NRXN3: variants seen among roughly 807,000 people sequenced by gnomAD.
The protein encoded by NRXN3 is neurexin 3, also known as neurexin III.
A neutral mutation model predicts 137.6 loss-of-function variants in NRXN3; 32 were observed. The observed-to-expected ratio is 0.23, with a 90% confidence interval of 0.18 to 0.31. The LOEUF (loss-of-function observed/expected upper bound fraction) is 0.31. NRXN3 is among the 10% of genes least tolerant of loss of function. The probability of loss-of-function intolerance (pLI) is 1.00; values close to 1 mark genes in which losing one functional copy is unlikely to be tolerated. For missense variants in NRXN3, 1,574 were observed against 2,062.5 expected (o/e 0.76, Z 4.59); for synonymous variants, 798 against 784.5 (o/e 1.02, Z -0.29).
intron 10 of NRXN3, among the ~76,000 whole-genome samples, chr14:78,844,197 T>A (rs948310900): frequency 6.6e-6 from 1 of 152,106 alleles, no homozygotes; most frequent in Non-Finnish European, 1.5e-5. Context: ...GTGTTTGCTG[T>A]GGGTCTCTGC....
chr14:79,096,087 T>C (rs944764064), intron 15 of NRXN3, among the ~76,000 whole-genome samples: 1 of 151,964 alleles, frequency 6.6e-6, no homozygotes, highest in African/African-American at 2.4e-5. Context: ...CTCTCTTTTT[T>C]GATTTTTTAA....
chr14:78,861,556 A>C (rs1343887632), intron 10 of NRXN3, among the ~76,000 whole-genome samples: 3 of 152,128 alleles, frequency 2.0e-5, no homozygotes, highest in Admixed American at 6.6e-5. Flanking sequence ...TAATTACTTA[A>C]CTATCAGTGT....
rs1028531708 is a variant in NRXN3 at position 78,458,538 on chromosome 14, A to G, written c.757+160678A>G. Among the ~76,000 whole-genome samples the G allele has an allele frequency of 7.2e-5, 11 of 152,246 alleles. 1 individual carries two copies. The highest frequency in any genetic ancestry group is 3.9e-4 in the East Asian group (2 of 5,176). Reference sequence around the variant, plus strand: ...TTCTTCACGTTTCCTCCTGTGTTCCATCTTTTCTACTTTTGTGAATCTGTG... The same window carrying G: ...TTCTTCACGTTTCCTCCTGTGTTCCGTCTTTTCTACTTTTGTGAATCTGTG... On this transcript the variant is annotated intron_variant, in intron 4 of 20. Coordinates refer to ENST00000335750, the MANE Select transcript of NRXN3 (RefSeq NM_001330195.2).
chr14:79,705,451 A>G (rs148319813), intron 19 of NRXN3, among the ~76,000 whole-genome samples: 65 of 152,216 alleles, frequency 4.3e-4, no homozygotes, highest in East Asian at 3.9e-3. Context: ...GCAAGCTTAG[A>G]TTTTCATCTT....
intron 1 of NRXN3, among the ~76,000 whole-genome samples, chr14:78,184,416 G>T (rs2060060516): frequency 6.6e-6 from 1 of 152,174 alleles, no homozygotes; most frequent in African/African-American, 2.4e-5. Context: ...GCAAATTTTG[G>T]CATCTCAAGT....
Position 79,647,420 on chromosome 14 carries a change from T to C in NRXN3, c.3445-16358T>C, listed in dbSNP as rs981734741. 2.9e-5 allele frequency among the ~76,000 whole-genome samples: 4 copies of C among 135,964 alleles called. 1 individual carries two copies. The highest frequency in any genetic ancestry group is 6.8e-5 in the Non-Finnish European group (4 of 58,460). The allele number at this position is 135,964 out of a possible 152,430, so 89.2% of individuals were successfully genotyped here. The stretch of plus-strand genomic sequence containing the variant: ...GGAACGGTCTGCTGTCATGCAACTT[T>C]CAAATAATGCATTTTATTATCATTA... On this transcript the variant is annotated intron_variant, in intron 16 of 20. Transcript: ENST00000335750.
chr14:79,438,346 C>T (rs1370688281), intron 15 of NRXN3, among the ~76,000 whole-genome samples: 1 of 152,100 alleles, frequency 6.6e-6, no homozygotes, highest in Non-Finnish European at 1.5e-5. Context: ...TGGATTTAGA[C>T]GAGACAAACC....
At chr14:79,806,959 T>TATATAC (rs2099209409) in intron 20 of NRXN3, among the ~76,000 whole-genome samples, 2 of 65,372 alleles carry the variant, frequency 3.1e-5, no homozygotes, top group Non-Finnish European at 5.6e-5. Context: ...TATATATATA[T>TATATAC]ATATTTTTTT....
At chr14:78,384,026 C>G (rs1347046038) in intron 4 of NRXN3, among the ~76,000 whole-genome samples, 1 of 152,098 alleles carries the variant, frequency 6.6e-6, no homozygotes, top group Non-Finnish European at 1.5e-5. Context: ...GTAATGGGTT[C>G]TCATATACAG....
At chr14:79,383,832 A>G (rs1043828077) in intron 15 of NRXN3, among the ~76,000 whole-genome samples, 3 of 152,192 alleles carry the variant, frequency 2.0e-5, no homozygotes, top group East Asian at 1.9e-4. Context: ...GCTGCCTCTT[A>G]GTATTCATAT....
intron 16 of NRXN3, among the ~76,000 whole-genome samples, chr14:79,523,583 C>T (rs575493487): frequency 1.8e-4 from 27 of 152,270 alleles, no homozygotes; most frequent in African/African-American, 5.5e-4. Flanking sequence ...GCTGATTCTG[C>T]ACATGCAAAG....
chr14:78,831,546 A>AAC (rs2098982207), intron 10 of NRXN3, among the ~76,000 whole-genome samples: 1 of 150,744 alleles, frequency 6.6e-6, no homozygotes, highest in African/African-American at 2.4e-5. Flanking sequence ...AAAAAAAAAA[A>AAC]AAAAAAAAAA....
chr14:79,730,516 G>C (rs1469399113), intron 19 of NRXN3, among the ~76,000 whole-genome samples: 1 of 152,200 alleles, frequency 6.6e-6, no homozygotes, highest in Non-Finnish European at 1.5e-5. Flanking sequence ...AGACACATTA[G>C]TGAATCAAGT....
intron 16 of NRXN3, among the ~76,000 whole-genome samples, chr14:79,558,125 T>C (rs1329053958): frequency 6.6e-6 from 1 of 152,154 alleles, no homozygotes; most frequent in Non-Finnish European, 1.5e-5. Flanking sequence ...TCTAGTTACC[T>C]TGTTCTTTCC....
intron 8 of NRXN3, among the ~76,000 whole-genome samples, chr14:78,801,963 A>C (rs997612051): frequency 2.0e-5 from 3 of 152,176 alleles, no homozygotes; most frequent in African/African-American, 7.2e-5. Flanking sequence ...GTCTCCCTTT[A>C]GAACAGGGAC....
chr14:78,464,737 A>C (rs921875100), intron 4 of NRXN3, among the ~76,000 whole-genome samples: 2 of 152,220 alleles, frequency 1.3e-5, no homozygotes, highest in African/African-American at 4.8e-5. Context: ...AAAATGCTTC[A>C]ATTCTTGGCT....
chr14:78,828,156 A>G (rs927184805), intron 10 of NRXN3, among the ~76,000 whole-genome samples: 2 of 152,166 alleles, frequency 1.3e-5, no homozygotes, highest in Admixed American at 6.5e-5. Context: ...CTTAGTTTAT[A>G]GTTCAATATT....
chr14:78,812,155 G>T (rs1386785132), intron 10 of NRXN3, among the ~76,000 whole-genome samples: 1 of 152,080 alleles, frequency 6.6e-6, no homozygotes, highest in Admixed American at 6.5e-5. Flanking sequence ...TCATCCCCAA[G>T]ATTTCTTTTC....
intron 4 of NRXN3, among the ~76,000 whole-genome samples, chr14:78,328,076 T>TA (rs1207880682): frequency 2.6e-5 from 4 of 152,104 alleles, no homozygotes; most frequent in African/African-American, 9.7e-5. Context: ...CTGGGAAACG[T>TA]AGTTCAGCCT....
Sources: allele counts gnomAD v4.1 joint callset (sites outside exome capture counted in the v4.1 genomes callset), GRCh38; gene constraint gnomAD v4.1.1; transcripts MANE v1.5; gene names NCBI Gene and HGNC (gene_info 2026-07-23, HGNC 2026-07-21).